Variants in SPTBN1 observed in about 807,000 individuals in gnomAD.
SPTBN1 encodes spectrin beta, non-erythrocytic 1, also known as spectrin beta chain, non-erythrocytic 1.
A neutral mutation model predicts 266.4 loss-of-function variants in SPTBN1; 32 were observed. That is an observed-to-expected ratio of 0.12 (90% confidence interval 0.09 to 0.16). The LOEUF (loss-of-function observed/expected upper bound fraction) is 0.16. Among genes scored for constraint, SPTBN1 ranks in the 10% least tolerant of loss-of-function variants. The pLI is 1.00. For synonymous variants in SPTBN1, 1,336 were observed against 1,162.2 expected, an observed-to-expected ratio of 1.15 and a Z score of -3.04; for missense variants, 2,296 against 3,067.1, an observed-to-expected ratio of 0.75 and a Z score of 5.94.
chr2:54,496,089 ACT>A (rs1250156678), intron 1 of SPTBN1, among the ~76,000 whole-genome samples: 1 of 152,064 alleles, frequency 6.6e-6, no homozygotes, highest in East Asian at 1.9e-4. Context: ...ATCTATGGGA[ACT>A]CTGTTGTTCC....
intron 3 of SPTBN1, among the ~76,000 whole-genome samples, chr2:54,608,019 A>G (rs149999697): frequency 1.6e-3 from 239 of 152,288 alleles, no homozygotes; most frequent in African/African-American, 5.5e-3. Flanking sequence ...AGAGCAGGGA[A>G]TGGACAAGAT....
chr2:54,644,177 A>T (rs1242975223), intron 19 of SPTBN1, 146 bp from the exon 20 acceptor site: 3 of 1,009,830 alleles, frequency 3.0e-6, no homozygotes, highest in East Asian at 2.6e-5. Flanking sequence ...TGTTGATTTT[A>T]TTGAGCAGTA....
chr2:54,666,142 T>C (rs1681352376), intron 34 of SPTBN1, 54 bp downstream of exon 34: 1 of 1,543,712 alleles, frequency 6.5e-7, no homozygotes. Context: ...TTACTTCCAC[T>C]CTGGGGTTTG....
At chr2:54,486,420 C>G (rs1385818831) in intron 1 of SPTBN1, among the ~76,000 whole-genome samples, 1 of 152,142 alleles carries the variant, frequency 6.6e-6, no homozygotes. Flanking sequence ...TGTGACCTTA[C>G]CCCCAACCCT....
chr2:54,516,465 T>C (rs1042405741), intron 1 of SPTBN1: 1 of 152,204 alleles, frequency 6.6e-6, no homozygotes, highest in African/African-American at 2.4e-5. Flanking sequence ...GATATTATGA[T>C]AAAAGCATCA....
At chr2:54,465,658 A>T (rs1693597579) in intron 1 of SPTBN1, among the ~76,000 whole-genome samples, 1 of 124,770 alleles carries the variant, frequency 8.0e-6, no homozygotes, top group African/African-American at 3.1e-5. Flanking sequence ...ATATATATAT[A>T]TATATATATA....
At chr2:54,460,927 G>A (rs1693333065) in intron 1 of SPTBN1, among the ~76,000 whole-genome samples, 1 of 152,142 alleles carries the variant, frequency 6.6e-6, no homozygotes, top group Non-Finnish European at 1.5e-5. Context: ...AGTTGAACTG[G>A]GGAGGCAGAG....
chr2:54,544,979 A>G (rs1375647594), intron 2 of SPTBN1, among the ~76,000 whole-genome samples: 1 of 152,002 alleles, frequency 6.6e-6, no homozygotes, highest in Non-Finnish European at 1.5e-5. Flanking sequence ...CCCTGTGTGC[A>G]TGTGTTCTCA....
chr2:54,519,774 G>A (rs563085372), intron 1 of SPTBN1, among the ~76,000 whole-genome samples: 1 of 152,294 alleles, frequency 6.6e-6, no homozygotes, highest in South Asian at 2.1e-4. Flanking sequence ...GGATTACAAT[G>A]AGAGATGAGG....
intron 2 of SPTBN1, among the ~76,000 whole-genome samples, chr2:54,532,421 A>T (rs998500965): frequency 1.2e-4 from 19 of 152,246 alleles, no homozygotes; most frequent in African/African-American, 4.3e-4. Flanking sequence ...TTAATGAGAC[A>T]CTTTACATTT....
chr2:54,503,962 G>T (rs1669416475), intron 1 of SPTBN1, among the ~76,000 whole-genome samples: 1 of 152,162 alleles, frequency 6.6e-6, no homozygotes. Flanking sequence ...GTAGTATTTT[G>T]ATTGCTTGGT....
chr2:54,495,993 C>G (rs1668948779), intron 1 of SPTBN1, among the ~76,000 whole-genome samples: 1 of 152,030 alleles, frequency 6.6e-6, no homozygotes, highest in Non-Finnish European at 1.5e-5. Context: ...GGATGGTCCC[C>G]TTCTAGAAGT....
Position 54,612,435 on chromosome 2 carries a change from C to G in SPTBN1, c.474+101C>G. 1.5e-6 allele frequency: 2 copies of G among 1,344,452 alleles called. 1 individual carries two copies. The highest frequency in any genetic ancestry group is 3.2e-5 in the South Asian group (2 of 62,366). 83.3% of individuals were successfully genotyped at this position (1,344,452 alleles called of 1,614,324 possible). ...CCCTGTATCAGAGGGATCGGGAAGA[C>G]CAGGTTGAAAGCATGTCTCAGAGTC... is the stretch of plus-strand genomic sequence containing the variant. On this transcript the variant is annotated intron_variant, in intron 4 of 35. Coordinates refer to ENST00000356805, the MANE Select transcript of SPTBN1 (RefSeq NM_003128.3).
intron 1 of SPTBN1, among the ~76,000 whole-genome samples, chr2:54,462,671 A>G (rs1693424840): frequency 6.6e-6 from 1 of 152,242 alleles, no homozygotes; most frequent in Admixed American, 6.5e-5. Context: ...AGTATATGGA[A>G]TATATTTTAT....
rs1680120888 is a variant in SPTBN1, at chr2:54,649,361, T to C, written c.5202+171T>C. ...ATAAGCTGGTGACTCGCATTTAGGT[T>C]GGCTAACCTCTCTGTGCACCCCTTC... On this transcript the variant is annotated intron_variant, in intron 25 of 35. Coordinates refer to ENST00000356805, the MANE Select transcript of SPTBN1 (RefSeq NM_003128.3). The surrounding 1 kb of genome is among the most constrained non-coding windows in gnomAD (Gnocchi z 6.7). Among the ~76,000 whole-genome samples the C allele has an allele frequency of 6.6e-6, 1 of 152,196 alleles. No individual in the cohort carries two copies.
At chr2:54,469,752 A>C (rs1468060866) in intron 1 of SPTBN1, among the ~76,000 whole-genome samples, 3 of 152,114 alleles carry the variant, frequency 2.0e-5, no homozygotes, top group African/African-American at 7.2e-5. Context: ...ACCTGTCACT[A>C]TTTCAGGAGA....
At chr2:54,502,774 G>A (rs147519487) in intron 1 of SPTBN1, among the ~76,000 whole-genome samples, 105 of 152,288 alleles carry the variant, frequency 6.9e-4, no homozygotes, top group African/African-American at 2.5e-3. Flanking sequence ...TGTAAAGCCT[G>A]TTGAGCAGGA....
intron 1 of SPTBN1, among the ~76,000 whole-genome samples, chr2:54,506,217 C>A (rs903283245): frequency 1.3e-5 from 2 of 152,168 alleles, no homozygotes; most frequent in Admixed American, 1.3e-4. Flanking sequence ...TCTCTTGGCC[C>A]TGGGACCTTC....
intron 2 of SPTBN1, among the ~76,000 whole-genome samples, chr2:54,571,568 C>T (rs62134677): frequency 0.2 from 10,096 of 51,726 alleles, 422 homozygotes; most frequent in Non-Finnish European, 0.26. Flanking sequence ...CACACACACA[C>T]ACACACATAC....
Sources: gnomAD v4.1 joint callset for allele counts (sites outside exome capture counted in the v4.1 genomes callset) on GRCh38, gnomAD v4.1.1 for gene constraint, Gnocchi (gnomAD v3.1) non-coding constraint, MANE v1.5 for transcripts, NCBI Gene and HGNC (gene_info 2026-07-23, HGNC 2026-07-21) for gene names.